RIT2: variants seen among roughly 807,000 people sequenced by gnomAD.
RIT2 encodes Ras like without CAAX 2, also known as GTP-binding protein Rit2.
RIT2 carries 24 observed loss-of-function variants against 23.7 expected under a neutral mutation model. That is an observed-to-expected ratio of 1.01 (90% CI 0.73 to 1.43). RIT2 has a LOEUF of 1.43. RIT2 is among the 40% of genes most tolerant of loss of function. The probability of loss-of-function intolerance (pLI) is 0.00; values close to 1 mark genes in which losing one functional copy is unlikely to be tolerated. For missense variants in RIT2, 236 were observed against 266.9 expected (o/e 0.88, Z 0.81); for synonymous variants, 107 against 91.1 (o/e 1.17, Z -0.99).
chr18:42,902,268 A>G (rs2144107827), intron 4 of RIT2, among the ~76,000 whole-genome samples: 1 of 151,988 alleles, frequency 6.6e-6, no homozygotes, highest in African/African-American at 2.4e-5. Flanking sequence ...AGACGTTCAG[A>G]ACTACTGGTA....
intron 4 of RIT2, among the ~76,000 whole-genome samples, chr18:42,852,780 T>TCTCC (rs1383532236): frequency 9.2e-6 from 1 of 108,634 alleles, no homozygotes; most frequent in African/African-American, 3.6e-5. Flanking sequence ...TCCCTCCCTC[T>TCTCC]CTCCCTCCCT....
chr18:43,081,736 C>T (rs62090490), intron 1 of RIT2, among the ~76,000 whole-genome samples: 12,164 of 152,174 alleles, frequency 0.08, 624 homozygotes, highest in East Asian at 0.18. Flanking sequence ...TCACACAGTG[C>T]TTCATGAATA....
intron 4 of RIT2, among the ~76,000 whole-genome samples, chr18:42,857,959 T>C (rs554512294): frequency 3.9e-5 from 6 of 152,236 alleles, no homozygotes; most frequent in African/African-American, 1.2e-4. Context: ...GGCGGGTGCA[T>C]CATCTGAGGT....
At chr18:42,994,340 CT>C (rs1206318548) in intron 2 of RIT2, among the ~76,000 whole-genome samples, 1 of 152,154 alleles carries the variant, frequency 6.6e-6, no homozygotes, top group Non-Finnish European at 1.5e-5. Flanking sequence ...CACACATGCT[CT>C]CCCTGCCGAT....
intron 2 of RIT2, among the ~76,000 whole-genome samples, chr18:42,998,117 G>A (rs1232454683): frequency 6.6e-6 from 1 of 151,902 alleles, no homozygotes; most frequent in Admixed American, 6.6e-5. Context: ...ACTTTTTTGT[G>A]TTCTCTTAAT....
In RIT2 at chr18:42,806,608, C is replaced by T. The variant is rs532540039; in HGVS notation, c.427-62888G>A. Among the ~76,000 whole-genome samples, 92 of 152,330 alleles carry T rather than the reference C, an allele frequency of 6.0e-4. No homozygotes were observed. The South Asian group carries it at 0.018, about 30-fold the overall frequency. On this transcript the variant is annotated intron_variant, in intron 4 of 4. Transcript: ENST00000326695. ...GCTAACGGGCCAGCAACTTTCACCT[C>T]ATTTGCTTTTACATAATCAGTGTAA...
rs142949305 is a variant in RIT2 at position 42,905,687 on chromosome 18, G to T, written c.426+17885C>A. ...GGGGTTTCACCATGTTGGTCAGGCT[G>T]GTCTCAAACTCCTGACCTCAGGTGA... On this transcript the variant is annotated intron_variant, in intron 4 of 4. Coordinates refer to ENST00000326695, the MANE Select transcript of RIT2 (RefSeq NM_002930.4). 5.9e-3 allele frequency among the ~76,000 whole-genome samples: 901 copies of T among 152,100 alleles called. 6 individuals are homozygous for T. Among genetic ancestry groups the T allele is most frequent in the Middle Eastern group, 0.01 (3 of 294 alleles).
At chr18:42,838,406 T>C (rs1906675457) in intron 4 of RIT2, among the ~76,000 whole-genome samples, 1 of 151,948 alleles carries the variant, frequency 6.6e-6, no homozygotes. Context: ...TTCTAGAAGT[T>C]CTTCTTCATT....
intron 4 of RIT2, among the ~76,000 whole-genome samples, chr18:42,800,893 A>G (rs1905523238): frequency 6.6e-6 from 1 of 152,110 alleles, no homozygotes; most frequent in African/African-American, 2.4e-5. Context: ...TATTGGAATT[A>G]TTACCTCTGA....
intron 4 of RIT2, among the ~76,000 whole-genome samples, chr18:42,853,855 T>C (rs1363358273): frequency 6.6e-6 from 1 of 152,216 alleles, no homozygotes; most frequent in South Asian, 2.1e-4. Context: ...TTGCAATGCA[T>C]GTTTAGAAAA....
chr18:42,757,836 G>A (rs12457018), intron 4 of RIT2, among the ~76,000 whole-genome samples: 37,783 of 151,834 alleles, frequency 0.25, 5,273 homozygotes, highest in East Asian at 0.44. Context: ...TTTCACCTCA[G>A]TGAGGAAATA....
At chr18:43,099,878 T>C (rs1332340416) in intron 1 of RIT2, among the ~76,000 whole-genome samples, 2 of 152,148 alleles carry the variant, frequency 1.3e-5, no homozygotes, top group African/African-American at 4.8e-5. Context: ...TAGAGTCTTA[T>C]CACTTCTCAT....
chr18:42,844,545 G>T (rs2144028398), intron 4 of RIT2, among the ~76,000 whole-genome samples: 1 of 152,206 alleles, frequency 6.6e-6, no homozygotes, highest in East Asian at 1.9e-4. Flanking sequence ...AAGTCCAGCA[G>T]GCTCTTCCCT....
At chr18:43,039,349 C>CTTTTT (rs1251475840) in intron 1 of RIT2, among the ~76,000 whole-genome samples, 5 of 133,258 alleles carry the variant, frequency 3.8e-5, no homozygotes, top group African/African-American at 5.5e-5. Flanking sequence ...TTTTTCTTTT[C>CTTTTT]TTTTTTTTTT....
chr18:42,778,694 C>CTT (rs35049037), intron 4 of RIT2, among the ~76,000 whole-genome samples: 101,364 of 151,848 alleles, frequency 0.67, 36,797 homozygotes, highest in Middle Eastern at 0.83. Context: ...TATCCTTTCT[C>CTT]GAGTCCTAGC....
chr18:42,922,511 T>C lies in RIT2; in HGVS notation c.426+1061A>G, dbSNP rs1406278477. 3.9e-5 allele frequency among the ~76,000 whole-genome samples: 6 copies of C among 152,290 alleles called. No individual in the cohort carries two copies. In the East Asian group the frequency reaches 1.2e-3, roughly 29 times the overall value. The stretch of plus-strand genomic sequence containing the variant: ...AAATTAGATTTACAAAAATTTGATT[T>C]GCATGACACTTCTCAGTAATGTTAC... On this transcript the variant is annotated intron_variant, in intron 4 of 4. Transcript: ENST00000326695.
intron 1 of RIT2, among the ~76,000 whole-genome samples, chr18:43,102,815 G>C (rs1246639851): frequency 6.6e-6 from 1 of 151,698 alleles, no homozygotes; most frequent in African/African-American, 2.4e-5. Flanking sequence ...CACCAGAGCC[G>C]GATAATTTTT....
At chr18:42,930,131 C>T (rs948869868) in intron 3 of RIT2, among the ~76,000 whole-genome samples, 2 of 152,070 alleles carry the variant, frequency 1.3e-5, no homozygotes, top group Admixed American at 6.6e-5. Flanking sequence ...AAATCCCTGA[C>T]AACCAGGTTT....
intron 4 of RIT2, among the ~76,000 whole-genome samples, chr18:42,849,100 C>A (rs1412872130): frequency 6.6e-6 from 1 of 152,206 alleles, no homozygotes; most frequent in Admixed American, 6.5e-5. Context: ...AGTAAGCCGA[C>A]CTGTCTATAG....
Sources: gnomAD v4.1 joint callset for allele counts (sites outside exome capture counted in the v4.1 genomes callset) on GRCh38, gnomAD v4.1.1 for gene constraint, MANE v1.5 for transcripts, NCBI Gene and HGNC (gene_info 2026-07-23, HGNC 2026-07-21) for gene names.